ARMC2: variants seen among roughly 807,000 people sequenced by gnomAD.
ARMC2 encodes the protein armadillo repeat containing 2.
Under a neutral mutation model 90.3 loss-of-function variants are expected in ARMC2, and 67 were observed. The ratio of observed to expected loss-of-function variants is 0.74; its 90% CI spans 0.61 to 0.91. ARMC2 has a LOEUF of 0.91. Among genes scored for constraint, ARMC2 ranks in the 40% least tolerant of loss-of-function variants. ARMC2 has a pLI of 0.00. For synonymous variants in ARMC2, 393 were observed against 393.0 expected (o/e 1.00, Z 0.00); for missense variants, 920 against 1,030.9 (o/e 0.89, Z 1.47).
chr6:108,994,315 A>G, the ARMC2 span: 5 of 562,328 alleles, frequency 8.9e-6, no homozygotes, highest in Admixed American at 7.6e-5. Flanking sequence ...CTTGCTTTAA[A>G]AATTATTTGT....
At chr6:109,001,402 C>T in the ARMC2 span, 44 of 1,613,738 alleles carry the variant, frequency 2.7e-5, no homozygotes, top group East Asian at 2.5e-4. Flanking sequence ...CCATCACTAA[C>T]GTAATGTTAT....
At chr6:108,935,778 A>G (rs1775912198) in intron 11 of ARMC2, among the ~76,000 whole-genome samples, 1 of 151,872 alleles carries the variant, frequency 6.6e-6, no homozygotes, top group Non-Finnish European at 1.5e-5. Context: ...ATTTTTTATT[A>G]CTCGTATTTA....
At chr6:108,864,738 G>T (rs1459997041) in intron 3 of ARMC2, among the ~76,000 whole-genome samples, 1 of 152,156 alleles carries the variant, frequency 6.6e-6, no homozygotes, top group Non-Finnish European at 1.5e-5. Context: ...ATCTGGAAGA[G>T]CCAGGGCAGA....
chr6:108,981,114 G>A, the ARMC2 span, among the ~76,000 whole-genome samples: 36 of 152,200 alleles, frequency 2.4e-4, no homozygotes, highest in African/African-American at 8.7e-4. Flanking sequence ...CAGATATAAT[G>A]TATTTCATCC....
chr6:108,858,218 G>C lies in ARMC2; in HGVS notation c.238G>C (p.Glu80Gln). 6.2e-7 allele frequency: 1 copy of C among 1,610,904 alleles called. No individual in the cohort carries two copies. The highest frequency in any genetic ancestry group is 1.1e-5 in the South Asian group (1 of 90,826). The stretch of plus-strand genomic sequence containing the variant: ...TGCTAGCCTCCATGCATCCAGTTTT[G>C]AGTCATCTGATTCCAGGCCTATCTC... ...SSFSLHASSF[E>Q]SSDSRPISGT... is the part of the protein sequence containing the mutation. Residue 80 changes from glutamate to glutamine, a missense_variant, in exon 3 of 18, where the codon GAG (glutamate) becomes CAG (glutamine). Coordinates refer to ENST00000392644, the MANE Select transcript of ARMC2 (RefSeq NM_032131.6).
intron 6 of ARMC2, among the ~76,000 whole-genome samples, chr6:108,897,204 A>G (rs1464210292): frequency 6.6e-6 from 1 of 152,186 alleles, no homozygotes; most frequent in Non-Finnish European, 1.5e-5. Context: ...GAATATTCAT[A>G]TATTTTGCTA....
intron 12 of ARMC2, among the ~76,000 whole-genome samples, chr6:108,948,563 G>A (rs1466136890): frequency 6.7e-6 from 1 of 150,306 alleles, no homozygotes. Context: ...TGTTGATCTC[G>A]CATGCCATGC....
At chr6:108,923,448 A>G (rs1274236899) in intron 10 of ARMC2, among the ~76,000 whole-genome samples, 3 of 151,278 alleles carry the variant, frequency 2.0e-5, no homozygotes, top group Non-Finnish European at 4.4e-5. Flanking sequence ...ACTCATTGAT[A>G]ATTTTCACAG....
chr6:108,969,428 ATTCT>A (rs1318624977), intron 17 of ARMC2, among the ~76,000 whole-genome samples: 7 of 152,182 alleles, frequency 4.6e-5, no homozygotes, highest in African/African-American at 1.7e-4. Flanking sequence ...GGGTCTTTTA[ATTCT>A]TTCTAATACT....
rs753414069 is a variant in ARMC2 at position 108,955,063 on chromosome 6, G to A, written c.1915+1712G>A. Reference sequence around the variant, plus strand: ...TTCTTGTAAGGGTACCAGCTCCACCGGATGAGGGCCCCACCCTTCTGACCT... The same window carrying A: ...TTCTTGTAAGGGTACCAGCTCCACCAGATGAGGGCCCCACCCTTCTGACCT... On this transcript the variant is annotated intron_variant, in intron 13 of 17. Coordinates refer to ENST00000392644, the MANE Select transcript of ARMC2 (RefSeq NM_032131.6). 2.0e-4 allele frequency among the ~76,000 whole-genome samples: 30 copies of A among 152,246 alleles called. 1 individual carries two copies. The highest frequency in any genetic ancestry group is 1.0e-3 in the South Asian group (5 of 4,818).
At chr6:109,002,034 A>G in the ARMC2 span, among the ~76,000 whole-genome samples, 16 of 152,220 alleles carry the variant, frequency 1.1e-4, no homozygotes, top group African/African-American at 3.9e-4. Flanking sequence ...TCACTGGTCA[A>G]AAACAAATCT....
chr6:108,987,648 C>T, the ARMC2 span: 13 of 1,363,542 alleles, frequency 9.5e-6, no homozygotes, highest in Middle Eastern at 1.8e-4. Flanking sequence ...TAAAATACAA[C>T]ATCATATAAG....
chr6:108,920,966 C>T (rs1774503525), intron 10 of ARMC2, among the ~76,000 whole-genome samples: 1 of 152,138 alleles, frequency 6.6e-6, no homozygotes, highest in Admixed American at 6.5e-5. Flanking sequence ...GGAAATGAGG[C>T]TCCTACTGTG....
chr6:108,921,853 C>G (rs1323663011), intron 10 of ARMC2, among the ~76,000 whole-genome samples: 1 of 152,120 alleles, frequency 6.6e-6, no homozygotes, highest in East Asian at 1.9e-4. Context: ...AGACAAAGCT[C>G]GAGGGATTTC....
intron 17 of ARMC2, among the ~76,000 whole-genome samples, chr6:108,967,116 C>A (rs1778427001): frequency 1.3e-5 from 2 of 152,182 alleles, no homozygotes; most frequent in Admixed American, 6.5e-5. Flanking sequence ...ATTCTCTCCC[C>A]ACTTACTCTC....
chr6:108,919,731 G>A (rs1307330393), intron 10 of ARMC2, among the ~76,000 whole-genome samples: 1 of 152,032 alleles, frequency 6.6e-6, no homozygotes. Flanking sequence ...AGATACAGAA[G>A]GTTTCTGTCA....
At chr6:108,901,748 T>A (rs1183863877) in intron 7 of ARMC2, among the ~76,000 whole-genome samples, 2 of 152,190 alleles carry the variant, frequency 1.3e-5, no homozygotes, top group Admixed American at 6.5e-5. Flanking sequence ...AAACATTCTC[T>A]TATATATCTG....
At chr6:108,940,644 T>C (rs1004669683) in intron 12 of ARMC2, among the ~76,000 whole-genome samples, 2 of 152,200 alleles carry the variant, frequency 1.3e-5, no homozygotes, top group African/African-American at 4.8e-5. Context: ...GGTATTCTTT[T>C]TCCTATTGGC....
At chr6:108,911,441 T>C (rs921232457) in intron 9 of ARMC2, among the ~76,000 whole-genome samples, 5 of 152,180 alleles carry the variant, frequency 3.3e-5, no homozygotes, top group Non-Finnish European at 5.9e-5. Context: ...TTATTATACC[T>C]TATCTAGCTA....
Sources: allele counts gnomAD v4.1 joint callset (sites outside exome capture counted in the v4.1 genomes callset), GRCh38; gene constraint gnomAD v4.1.1; transcripts MANE v1.5; gene names NCBI Gene and HGNC (gene_info 2026-07-23, HGNC 2026-07-21).